Variants in PXDNL observed in about 807,000 individuals in gnomAD.
PXDNL encodes the protein probable oxidoreductase PXDNL.
Under a neutral mutation model 150.8 loss-of-function variants are expected in PXDNL, and 145 were observed. The ratio of observed to expected loss-of-function variants is 0.96; its 90% CI spans 0.84 to 1.10. PXDNL has a LOEUF of 1.10. Among genes scored for constraint, PXDNL ranks in the 50% least tolerant of loss-of-function variants. PXDNL has a pLI of 0.00. For missense variants in PXDNL, 2,087 were observed against 1,873.9 expected (o/e 1.11, Z -2.10); for synonymous variants, 757 against 725.7 (o/e 1.04, Z -0.69).
intron 1 of PXDNL, among the ~76,000 whole-genome samples, chr8:51,801,936 A>G (rs554197810): frequency 6.6e-6 from 1 of 152,232 alleles, no homozygotes; most frequent in African/African-American, 2.4e-5. Flanking sequence ...TGCCTCTTTT[A>G]CTTATTCCTG....
Position 51,423,638 on chromosome 8 carries a change from A to G in PXDNL, c.1732T>C (p.Tyr578His), listed in dbSNP as rs775223794. The G allele has an allele frequency of 1.2e-6, 2 of 1,613,830 alleles. No individual in the cohort carries two copies. Among genetic ancestry groups the G allele is most frequent in the African/African-American group, 2.7e-5 (2 of 74,928 alleles). The change falls in exon 14 of 23, where the codon TAT becomes CAT. Residue 578 changes from tyrosine (Y) to histidine (H), a missense_variant. Transcript: ENST00000356297. ...AAAGAATTCCGAGCCACACATTCAT[A>G]TCTTCCCTGGTCAGGGAACCCTGCG... ...YDAGFPDQGRYECVARNSFGL... is the reference protein window; with the variant it reads ...YDAGFPDQGRHECVARNSFGL...
chr8:51,528,690 G>A (rs1811816776), intron 4 of PXDNL, among the ~76,000 whole-genome samples: 1 of 152,168 alleles, frequency 6.6e-6, no homozygotes. Flanking sequence ...AGGGAGATGT[G>A]GCAGAGGAAA....
At chr8:51,454,802 TG>T (rs1203100556) in intron 9 of PXDNL, among the ~76,000 whole-genome samples, 1 of 152,138 alleles carries the variant, frequency 6.6e-6, no homozygotes, top group Non-Finnish European at 1.5e-5. Flanking sequence ...GATACAGAGA[TG>T]AACAAACACA....
intron 1 of PXDNL, among the ~76,000 whole-genome samples, chr8:51,683,412 C>T (rs1815801957): frequency 6.6e-6 from 1 of 151,362 alleles, no homozygotes; most frequent in Admixed American, 6.6e-5. Flanking sequence ...TTTTAAAAAT[C>T]AGATTTTTGC....
At chr8:51,766,393 A>G (rs1452567702) in intron 1 of PXDNL, among the ~76,000 whole-genome samples, 3 of 152,232 alleles carry the variant, frequency 2.0e-5, no homozygotes, top group African/African-American at 7.2e-5. Flanking sequence ...ACTAGCAAAA[A>G]TAAATTTACA....
chr8:51,339,870 C>T (rs958483454), intron 20 of PXDNL, 117 bp from the exon 21 acceptor site: 6 of 935,066 alleles, frequency 6.4e-6, no homozygotes, highest in Non-Finnish European at 9.3e-6. Flanking sequence ...GATTGGTGTT[C>T]TTTGTGATCT....
intron 2 of PXDNL, among the ~76,000 whole-genome samples, chr8:51,636,422 T>C (rs1026117235): frequency 3.9e-5 from 6 of 152,192 alleles, no homozygotes; most frequent in African/African-American, 1.2e-4. Flanking sequence ...TATTCACAGA[T>C]GGCATAATGT....
rs746190920 is a variant in PXDNL, at chr8:51,371,918, C to T, written c.3856G>A (p.Glu1286Lys). ...EYPQDYLNCS[E>K]IPKVDLRVWQ... is the part of the protein sequence containing the mutation. ...ACTCGCAGGTCCACCTTCGGGATCTCGCTGCAGTTCAGGTAATCCTGTGGG... is the reference window on the plus strand; with the variant it reads ...ACTCGCAGGTCCACCTTCGGGATCTTGCTGCAGTTCAGGTAATCCTGTGGG... Residue 1286 changes from glutamate (E) to lysine (K), a missense_variant, in exon 19 of 23, where the codon GAG (glutamate) becomes AAG (lysine). By Grantham distance (56) the Glu-to-Lys change is moderately conservative. Transcript: ENST00000356297. 5.0e-6 allele frequency: 8 copies of T among 1,613,988 alleles called. No individual in the cohort carries two copies. The highest frequency in any genetic ancestry group is 2.2e-5 in the East Asian group (1 of 44,888).
intron 17 of PXDNL, among the ~76,000 whole-genome samples, chr8:51,407,077 C>T (rs996481983): frequency 1.3e-5 from 2 of 152,190 alleles, no homozygotes; most frequent in African/African-American, 4.8e-5. Flanking sequence ...AAACTGTTTA[C>T]TTTTCACAGG....
chr8:51,805,907 T>C (rs1209069708), intron 1 of PXDNL, among the ~76,000 whole-genome samples: 1 of 152,188 alleles, frequency 6.6e-6, no homozygotes, highest in Non-Finnish European at 1.5e-5. Flanking sequence ...ATACACTGCT[T>C]CTGATTACTG....
chr8:51,542,616 C>T (rs1030402711), intron 4 of PXDNL, among the ~76,000 whole-genome samples: 23 of 151,710 alleles, frequency 1.5e-4, no homozygotes, highest in Admixed American at 1.1e-3. Flanking sequence ...TGAGACCAGC[C>T]GGACCAATAT....
At chr8:51,497,471 A>G (rs544442841) in intron 5 of PXDNL, among the ~76,000 whole-genome samples, 5 of 152,230 alleles carry the variant, frequency 3.3e-5, no homozygotes, top group Non-Finnish European at 5.9e-5. Context: ...GCACAGCAAA[A>G]GAAACTACCA....
At chr8:51,363,144 A>G (rs962544141) in intron 19 of PXDNL, among the ~76,000 whole-genome samples, 1 of 152,274 alleles carries the variant, frequency 6.6e-6, no homozygotes, top group Middle Eastern at 3.4e-3. Flanking sequence ...TCCTCCAGGC[A>G]TCCTCCTCAC....
intron 17 of PXDNL, among the ~76,000 whole-genome samples, chr8:51,401,924 G>T (rs11990397): frequency 5.3e-5 from 8 of 152,094 alleles, no homozygotes; most frequent in African/African-American, 1.7e-4. Context: ...GGTCTTTAAA[G>T]GCTGACATGA....
intron 3 of PXDNL, among the ~76,000 whole-genome samples, chr8:51,582,164 TAG>T (rs1393978099): frequency 6.6e-6 from 1 of 152,104 alleles, no homozygotes; most frequent in East Asian, 1.9e-4. Context: ...TTTTATAAAA[TAG>T]AGTTAATGAG....
Position 51,425,800 on chromosome 8 carries a change from C to T in PXDNL, c.1638+846G>A, listed in dbSNP as rs555546298. ...TCGCGCCACTGCACTCCAGCCTGGG[C>T]GACAAAGCGAGACTCCGTCTCAAAA... On this transcript the variant is annotated intron_variant, in intron 13 of 22. Transcript: ENST00000356297. Among the ~76,000 whole-genome samples, 7 of 150,526 alleles carry T rather than the reference C, an allele frequency of 4.7e-5. 1 individual carries two copies. The South Asian group carries it at 1.0e-3, about 22-fold the overall frequency.
intron 6 of PXDNL, among the ~76,000 whole-genome samples, chr8:51,477,002 C>T (rs972291750): frequency 6.6e-6 from 1 of 152,174 alleles, no homozygotes; most frequent in Non-Finnish European, 1.5e-5. Flanking sequence ...AAAATCACTT[C>T]ATTGTATTAA....
intron 1 of PXDNL, among the ~76,000 whole-genome samples, chr8:51,687,846 A>G (rs894966926): frequency 1.3e-5 from 2 of 152,148 alleles, no homozygotes; most frequent in Admixed American, 1.3e-4. Context: ...GCTGTATGTA[A>G]TGAGTGAACC....
chr8:51,711,316 T>G (rs12678094), intron 1 of PXDNL, among the ~76,000 whole-genome samples: 23,915 of 152,094 alleles, frequency 0.16, 2,196 homozygotes, highest in Non-Finnish European at 0.21. Context: ...TTTTGTATTT[T>G]CAGTAGAGAT....
Sources: gnomAD v4.1 joint callset for allele counts (sites outside exome capture counted in the v4.1 genomes callset) on GRCh38, gnomAD v4.1.1 for gene constraint, MANE v1.5 for transcripts, NCBI Gene and HGNC (gene_info 2026-07-23, HGNC 2026-07-21) for gene names.